Variants in TENM4 observed in about 807,000 individuals in gnomAD.
The protein encoded by TENM4 is teneurin transmembrane protein 4, also known as teneurin-4.
Under a neutral mutation model 243.3 loss-of-function variants are expected in TENM4, and 82 were observed. That is an observed-to-expected ratio of 0.34 (90% CI 0.28 to 0.40). The LOEUF is 0.40. Ranked by LOEUF, TENM4 falls within the 10% of genes least tolerant of loss-of-function variation. TENM4 has a pLI of 1.00. For missense variants in TENM4, 3,138 were observed against 3,673.3 expected (o/e 0.85, Z 3.77); for synonymous variants, 1,412 against 1,456.3 (o/e 0.97, Z 0.69).
chr11:79,052,133 T>C (rs1431773228), intron 6 of TENM4, among the ~76,000 whole-genome samples: 3 of 152,264 alleles, frequency 2.0e-5, no homozygotes, highest in Admixed American at 6.5e-5. Flanking sequence ...TTTGGGTATA[T>C]ACCCAGTAAT....
At chr11:79,260,340 C>T (rs1028033306) in intron 2 of TENM4, among the ~76,000 whole-genome samples, 7 of 152,166 alleles carry the variant, frequency 4.6e-5, no homozygotes, top group Admixed American at 2.0e-4. Context: ...GATGCCTCAC[C>T]TACATCTTAT....
chr11:79,000,459 T>C (rs1858287860), intron 6 of TENM4, among the ~76,000 whole-genome samples: 1 of 152,118 alleles, frequency 6.6e-6, no homozygotes, highest in Non-Finnish European at 1.5e-5. Context: ...TATGTATATA[T>C]ATATATGTGT....
chr11:79,226,228 C>T (rs1431979171), intron 2 of TENM4, among the ~76,000 whole-genome samples: 2 of 152,236 alleles, frequency 1.3e-5, no homozygotes, highest in Non-Finnish European at 2.9e-5. Flanking sequence ...CCAAATCCCT[C>T]ATCGTGTTTT....
intron 3 of TENM4, among the ~76,000 whole-genome samples, chr11:79,174,397 A>AT (rs1186036182): frequency 3.3e-5 from 5 of 151,134 alleles, no homozygotes; most frequent in Non-Finnish European, 7.4e-5. Context: ...ACTATCTTTA[A>AT]TTTTTTTTTC....
intron 6 of TENM4, among the ~76,000 whole-genome samples, chr11:78,967,387 G>A (rs1857459151): frequency 6.6e-6 from 1 of 152,180 alleles, no homozygotes; most frequent in African/African-American, 2.4e-5. Context: ...TCTCAAGAGA[G>A]CAGTGAGAAA....
intron 1 of TENM4, among the ~76,000 whole-genome samples, chr11:79,407,445 A>G (rs1403134449): frequency 2.6e-5 from 4 of 152,230 alleles, no homozygotes; most frequent in Non-Finnish European, 5.9e-5. Flanking sequence ...CGTGCTAAGC[A>G]CTTTCGCAGA....
At chr11:78,881,435 C>T (rs1855431505) in intron 9 of TENM4, among the ~76,000 whole-genome samples, 1 of 152,168 alleles carries the variant, frequency 6.6e-6, no homozygotes, top group Admixed American at 6.5e-5. Flanking sequence ...CCCTCACCGC[C>T]ATGCCTCTAT....
chr11:78,914,817 C>T (rs1323097121), intron 6 of TENM4, among the ~76,000 whole-genome samples: 5 of 152,350 alleles, frequency 3.3e-5, no homozygotes, highest in Middle Eastern at 6.8e-3. Context: ...GCTAGCTCCT[C>T]ACCACCCCTA....
chr11:79,135,826 A>G (rs866587271), intron 4 of TENM4, among the ~76,000 whole-genome samples: 4 of 148,256 alleles, frequency 2.7e-5, no homozygotes, highest in East Asian at 1.9e-4. Flanking sequence ...TCCATCATAT[A>G]TATCATATAT....
chr11:78,919,049 T>C (rs115392399), intron 6 of TENM4, among the ~76,000 whole-genome samples: 1,975 of 152,272 alleles, frequency 0.013, 43 homozygotes, highest in African/African-American at 0.046. Flanking sequence ...GTTTCCTATA[T>C]GAATTTTTGT....
chr11:79,368,200 C>T (rs1271504198), intron 1 of TENM4, among the ~76,000 whole-genome samples: 1 of 152,192 alleles, frequency 6.6e-6, no homozygotes, highest in Admixed American at 6.5e-5. Flanking sequence ...AGAGCAGCCA[C>T]TCAGTTTGTT....
intron 6 of TENM4, among the ~76,000 whole-genome samples, chr11:78,958,759 G>C (rs1190386391): frequency 6.6e-6 from 1 of 152,208 alleles, no homozygotes. Context: ...CCCACCATAG[G>C]AAACTGTCTC....
In TENM4 at chr11:78,805,452, G is replaced by A. The variant is rs373351012; in HGVS notation, c.2019C>T (p.Cys673=). ...CAGAGCAGTGGCATTCGCCTCTCAC[G>A]CAGACACCCCGGCCTGAACATGTGG... ...MDPTCSGRGV[C]VRGECHCSVG... The change falls in exon 15 of 34, where the codon TGC becomes TGT. Residue 673 remains cysteine (C), a synonymous_variant. Coordinates refer to ENST00000278550, the MANE Select transcript of TENM4 (RefSeq NM_001098816.3). 2.7e-5 allele frequency: 43 copies of A among 1,595,438 alleles called. No homozygotes were observed. The highest frequency in any genetic ancestry group is 1.3e-4 in the African/African-American group (10 of 74,436).
At chr11:79,237,726 G>C (rs1471241265) in intron 2 of TENM4, among the ~76,000 whole-genome samples, 1 of 152,146 alleles carries the variant, frequency 6.6e-6, no homozygotes, top group Non-Finnish European at 1.5e-5. Flanking sequence ...TGTGAGTGTG[G>C]GTTGAGAGGA....
chr11:79,218,230 G>GCC (rs765365245), intron 2 of TENM4, among the ~76,000 whole-genome samples: 107 of 50,682 alleles, frequency 2.1e-3, no homozygotes, highest in African/African-American at 6.7e-3. Context: ...TTTACCCCCT[G>GCC]CCCACCCACC....
intron 28 of TENM4, among the ~76,000 whole-genome samples, chr11:78,694,869 G>T (rs1002709389): frequency 1.7e-4 from 26 of 152,090 alleles, no homozygotes; most frequent in Admixed American, 1.0e-3. Context: ...TGGCTGCGTG[G>T]ATCCATGATT....
intron 2 of TENM4, among the ~76,000 whole-genome samples, chr11:79,234,537 T>C (rs978269469): frequency 6.6e-6 from 1 of 152,144 alleles, no homozygotes; most frequent in Admixed American, 6.5e-5. Flanking sequence ...TGGGATGAGA[T>C]CACTTATGGG....
chr11:78,763,345 G>C (rs1856472366), intron 18 of TENM4, among the ~76,000 whole-genome samples: 1 of 152,280 alleles, frequency 6.6e-6, no homozygotes, highest in South Asian at 2.1e-4. Context: ...TGCTGCACTC[G>C]AGTGGCCCCT....
At chr11:79,175,493 G>T (rs952426120) in intron 3 of TENM4, among the ~76,000 whole-genome samples, 2 of 152,136 alleles carry the variant, frequency 1.3e-5, no homozygotes, top group Admixed American at 1.3e-4. Context: ...TCCACAGGAC[G>T]CAATACAATG....
Sources: allele counts gnomAD v4.1 joint callset (sites outside exome capture counted in the v4.1 genomes callset), GRCh38; gene constraint gnomAD v4.1.1; transcripts MANE v1.5; gene names NCBI Gene and HGNC (gene_info 2026-07-23, HGNC 2026-07-21).